Variants in PCDHGA8 observed in about 807,000 individuals in gnomAD.
The protein encoded by PCDHGA8 is protocadherin gamma-A8.
PCDHGA8 carries 45 observed loss-of-function variants against 59.2 expected under a neutral mutation model. The observed-to-expected ratio is 0.76, with a 90% CI of 0.60 to 0.98. PCDHGA8 has a LOEUF of 0.98. Ranked by LOEUF, PCDHGA8 falls within the 50% of genes least tolerant of loss-of-function variation. The pLI, the probability that PCDHGA8 is intolerant of heterozygous loss-of-function variation, is 0.00. For missense variants in PCDHGA8, 1,257 were observed against 1,196.2 expected (o/e 1.05, Z -0.75); for synonymous variants, 531 against 519.0 (o/e 1.02, Z -0.32).
intron 1 of PCDHGA8, chr5:141,419,381 A>T (rs1170271990): frequency 6.2e-7 from 1 of 1,613,544 alleles, no homozygotes; most frequent in Admixed American, 1.7e-5. Flanking sequence ...CGTGTCCGTG[A>T]GCGCGCAGAG....
Position 141,491,197 on chromosome 5 carries a change from G to A in PCDHGA8, c.2425-3610G>A. Reference sequence around the variant, plus strand: ...GGTGGTCCTGGTGAGGGACAATGGTGACCCTTCACTCTCCTCCACAGCCAC... The same window carrying A: ...GGTGGTCCTGGTGAGGGACAATGGTAACCCTTCACTCTCCTCCACAGCCAC... On this transcript the variant is annotated intron_variant, in intron 1 of 3. Coordinates refer to ENST00000398604, the MANE Select transcript of PCDHGA8 (RefSeq NM_032088.2). The surrounding 1 kb of genome is among the most constrained non-coding windows in gnomAD (Gnocchi z 6.9). 6.2e-7 allele frequency: 1 copy of A among 1,614,190 alleles called. No individual in the cohort carries two copies. The highest frequency in any genetic ancestry group is 8.5e-7 in the Non-Finnish European group (1 of 1,180,024).
At chr5:141,413,637 G>T in intron 1 of PCDHGA8, 8 of 1,613,888 alleles carry the variant, frequency 5.0e-6, no homozygotes, top group Non-Finnish European at 6.8e-6. Context: ...CTGCGGGAAT[G>T]CGTTTTCCTC....
intron 1 of PCDHGA8, among the ~76,000 whole-genome samples, chr5:141,456,006 T>C (rs909931677): frequency 6.6e-6 from 1 of 151,852 alleles, no homozygotes; most frequent in Non-Finnish European, 1.5e-5. Flanking sequence ...CATGCCATTC[T>C]CCTGCCTCAG....
rs1228384684 is a variant in PCDHGA8 at position 141,432,189 on chromosome 5, A to G, written c.2424+36952A>G. On this transcript the variant is annotated intron_variant, in intron 1 of 3. Coordinates refer to ENST00000398604, the MANE Select transcript of PCDHGA8 (RefSeq NM_032088.2). This position sits in a 1 kb window ranked among gnomAD's most constrained non-coding sequence, Gnocchi z 6.0. The stretch of plus-strand genomic sequence containing the variant: ...GTTTCCCTCGTCTCTGTGACCGCCC[A>G]CGACCCCGACTGTGAAGAGAACGCC... 6.2e-6 allele frequency: 10 copies of G among 1,613,964 alleles called. No homozygotes were observed. Among genetic ancestry groups the G allele is most frequent in the African/African-American group, 1.3e-5 (1 of 74,878 alleles).
intron 2 of PCDHGA8, among the ~76,000 whole-genome samples, chr5:141,504,782 G>A (rs2099841011): frequency 6.6e-6 from 1 of 151,926 alleles, no homozygotes; most frequent in Non-Finnish European, 1.5e-5. Context: ...AGGGTCTCTT[G>A]GGGCCTCCTA....
At position 141,394,607 on chromosome 5, in the gene PCDHGA8, G is replaced by A. The variant is rs769750411; in HGVS notation, c.1794G>A (p.Ser598=). The A allele has an allele frequency of 1.1e-5, 17 of 1,613,530 alleles. No homozygotes were observed. The highest frequency in any genetic ancestry group is 1.4e-5 in the Non-Finnish European group (17 of 1,180,016). ...VTKVVAVDRD[S]GQNAWLSYRL... is the part of the protein sequence containing the mutation. The stretch of plus-strand genomic sequence containing the variant: ...AGGTGGTGGCGGTGGACAGAGACTC[G>A]GGCCAGAACGCCTGGCTGTCCTACC... Residue 598 remains serine, a synonymous_variant, in exon 1 of 4, where the codon TCG becomes TCA. Coordinates refer to ENST00000398604, the MANE Select transcript of PCDHGA8 (RefSeq NM_032088.2).
intron 2 of PCDHGA8, among the ~76,000 whole-genome samples, chr5:141,497,832 G>A (rs1326640712): frequency 1.3e-5 from 2 of 151,992 alleles, no homozygotes; most frequent in Non-Finnish European, 2.9e-5. Context: ...GATCGCCCCC[G>A]GCCACAACAA....
chr5:141,392,659 A>T lies in PCDHGA8; in HGVS notation c.-155A>T. Reference sequence around the variant, plus strand: ...CACCTCACGAAGACCCGCAGATGCCACAAACTAACTGCTGGACTGCAGCGA... The same window carrying T: ...CACCTCACGAAGACCCGCAGATGCCTCAAACTAACTGCTGGACTGCAGCGA... On this transcript the variant is annotated 5_prime_UTR_variant, in exon 1 of 4. Transcript: ENST00000398604. The T allele has an allele frequency of 2.5e-6, 2 of 788,300 alleles. No individual in the cohort carries two copies. Among genetic ancestry groups the T allele is most frequent in the Non-Finnish European group, 3.8e-6 (2 of 523,138 alleles). 48.8% of individuals were successfully genotyped at this position (788,300 alleles called of 1,614,324 possible). A position where few individuals can be genotyped will look rare whatever the true frequency, so the allele number is the denominator to read the frequency against.
In PCDHGA8 at chr5:141,476,650, A is replaced by G. The variant is rs2099395609; in HGVS notation, c.2425-18157A>G. 6.2e-7 allele frequency: 1 copy of G among 1,614,126 alleles called. No individual in the cohort carries two copies. The highest frequency in any genetic ancestry group is 1.3e-5 in the African/African-American group (1 of 74,952). On this transcript the variant is annotated intron_variant, in intron 1 of 3. Transcript: ENST00000398604. This position sits in a 1 kb window ranked among gnomAD's most constrained non-coding sequence, Gnocchi z 7.6. Reference sequence around the variant, plus strand: ...AAACCTATGAGCTGAGCCGAAATGAATACTTTGCGCTTCGCGTGCAGACGC... The same window carrying G: ...AAACCTATGAGCTGAGCCGAAATGAGTACTTTGCGCTTCGCGTGCAGACGC...
chr5:141,498,565 G>C (rs2099784348), intron 2 of PCDHGA8, among the ~76,000 whole-genome samples: 1 of 152,044 alleles, frequency 6.6e-6, no homozygotes. Context: ...CTTCAAAGCA[G>C]GGCTAGTATT....
intron 1 of PCDHGA8, among the ~76,000 whole-genome samples, chr5:141,458,336 GA>G (rs762646440): frequency 1.3e-5 from 2 of 152,118 alleles, no homozygotes; most frequent in Non-Finnish European, 2.9e-5. Context: ...TGGTTTTAAG[GA>G]GTGGAGAGTT....
At chr5:141,460,341 C>T (rs557699438) in intron 1 of PCDHGA8, among the ~76,000 whole-genome samples, 39 of 152,110 alleles carry the variant, frequency 2.6e-4, no homozygotes, top group Admixed American at 2.4e-3. Flanking sequence ...ATGATTTTCT[C>T]CTATATTTTC....
intron 1 of PCDHGA8, chr5:141,419,568 A>T: frequency 1.2e-6 from 2 of 1,611,742 alleles, no homozygotes; most frequent in African/African-American, 2.7e-5. Flanking sequence ...CTGGGTCCCG[A>T]CGGCTCCGCG....
Position 141,413,878 on chromosome 5 carries a change from A to G in PCDHGA8, c.2424+18641A>G, listed in dbSNP as rs752517949. ...ATCTGGCACTGTCCTTGTCAGTGTGACTGTCTTCGATGCAAATGACAACGC... is the reference window on the plus strand; with the variant it reads ...ATCTGGCACTGTCCTTGTCAGTGTGGCTGTCTTCGATGCAAATGACAACGC... On this transcript the variant is annotated intron_variant, in intron 1 of 3. Coordinates refer to ENST00000398604, the MANE Select transcript of PCDHGA8 (RefSeq NM_032088.2). 2.5e-6 allele frequency: 4 copies of G among 1,613,272 alleles called. No individual in the cohort carries two copies. The South Asian group carries it at 3.3e-5, about 13-fold the overall frequency.
chr5:141,430,413 A>G lies in PCDHGA8; in HGVS notation c.2424+35176A>G, dbSNP rs1437560579. ...AAAAAAAAAGCTCACTAAAGTTTCTATTAAAGCGAATACGGTAGATTTCCA... is the reference window on the plus strand; with the variant it reads ...AAAAAAAAAGCTCACTAAAGTTTCTGTTAAAGCGAATACGGTAGATTTCCA... On this transcript the variant is annotated intron_variant, in intron 1 of 3. Coordinates refer to ENST00000398604, the MANE Select transcript of PCDHGA8 (RefSeq NM_032088.2). Among the ~76,000 whole-genome samples the G allele has an allele frequency of 2.0e-5, 3 of 151,870 alleles. No homozygotes were observed. In the South Asian group the frequency reaches 6.2e-4, roughly 31 times the overall value.
At position 141,487,254 on chromosome 5, in the gene PCDHGA8, C is replaced by T. The variant is rs1341564301; in HGVS notation, c.2425-7553C>T. On this transcript the variant is annotated intron_variant, in intron 1 of 3. Coordinates refer to ENST00000398604, the MANE Select transcript of PCDHGA8 (RefSeq NM_032088.2). The surrounding 1 kb of genome is among the most constrained non-coding windows in gnomAD (Gnocchi z 5.0). Reference sequence around the variant, plus strand: ...GAATCTCGTCTAACCCTCTACTTGGCTGTGTCCCTAGTGGCAATTTGCTTT... The same window carrying T: ...GAATCTCGTCTAACCCTCTACTTGGTTGTGTCCCTAGTGGCAATTTGCTTT... The T allele has an allele frequency of 1.2e-6, 2 of 1,614,126 alleles. No homozygotes were observed. Among genetic ancestry groups the T allele is most frequent in the East Asian group, 4.5e-5 (2 of 44,860 alleles).
chr5:141,418,314 C>T, intron 1 of PCDHGA8: 1 of 1,613,988 alleles, frequency 6.2e-7, no homozygotes. Context: ...GGGATGGGAA[C>T]AATTCTTGAG....
chr5:141,474,022 A>G (rs929139769), intron 1 of PCDHGA8, among the ~76,000 whole-genome samples: 1 of 152,160 alleles, frequency 6.6e-6, no homozygotes, highest in African/African-American at 2.4e-5. Flanking sequence ...GTGAGCTATG[A>G]TTATTCCACT....
At chr5:141,453,464 C>A (rs186131587) in intron 1 of PCDHGA8, among the ~76,000 whole-genome samples, 16 of 152,090 alleles carry the variant, frequency 1.1e-4, no homozygotes, top group Non-Finnish European at 1.9e-4. Flanking sequence ...AAAACATTAA[C>A]ATAAAGTCAA....
Sources: allele counts gnomAD v4.1 joint callset (sites outside exome capture counted in the v4.1 genomes callset), GRCh38; gene constraint gnomAD v4.1.1; non-coding constraint Gnocchi (gnomAD v3.1); transcripts MANE v1.5; gene names NCBI Gene and HGNC (gene_info 2026-07-23, HGNC 2026-07-21).